The following KCNAB1 variants were observed in gnomAD, a reference collection of about 807,000 sequenced individuals.
KCNAB1 encodes potassium voltage-gated channel subfamily A regulatory beta subunit 1.
In KCNAB1, 35 loss-of-function variants were observed where a neutral mutation model predicts 64.6. That is an observed-to-expected ratio of 0.54 (90% CI 0.41 to 0.72). The LOEUF (loss-of-function observed/expected upper bound fraction) is 0.72. KCNAB1 is among the 30% of genes least tolerant of loss of function. The pLI is 0.00. For synonymous variants in KCNAB1, 177 were observed against 183.8 expected, an observed-to-expected ratio of 0.96 and a Z score of 0.30; for missense variants, 401 against 512.9, an observed-to-expected ratio of 0.78 and a Z score of 2.11.
At chr3:156,322,862 T>C (rs1722755837) in intron 1 of KCNAB1, among the ~76,000 whole-genome samples, 4 of 152,220 alleles carry the variant, frequency 2.6e-5, no homozygotes, top group African/African-American at 7.2e-5. Context: ...TCTTGCCTAA[T>C]GAGCCTCTTA....
chr3:156,188,704 T>C, intron 1 of KCNAB1, among the ~76,000 whole-genome samples: 1 of 152,220 alleles, frequency 6.6e-6, no homozygotes, highest in Non-Finnish European at 1.5e-5. Context: ...TCTTTTAAAA[T>C]ATACTTAACA....
In KCNAB1 at chr3:156,198,508, C is replaced by T. The variant is rs143327591; in HGVS notation, c.275+77622C>T. On this transcript the variant is annotated intron_variant, in intron 1 of 13. Coordinates refer to ENST00000490337, the MANE Select transcript of KCNAB1 (RefSeq NM_172160.3). Reference sequence around the variant, plus strand: ...GCATGTATATTTAGGGTAGTTAGCTCTTCTTGTTGAATTGATCCCTTTACC... The same window carrying T: ...GCATGTATATTTAGGGTAGTTAGCTTTTCTTGTTGAATTGATCCCTTTACC... 9.2e-3 allele frequency among the ~76,000 whole-genome samples: 1,397 copies of T among 151,894 alleles called. 21 individuals are homozygous for T. Among genetic ancestry groups the T allele is most frequent in the African/African-American group, 0.032 (1,326 of 41,412 alleles).
chr3:156,295,995 C>G (rs1720750637), intron 1 of KCNAB1, among the ~76,000 whole-genome samples: 1 of 152,204 alleles, frequency 6.6e-6, no homozygotes. Context: ...ATTAACCAAA[C>G]TCTTCATCAT....
At chr3:156,396,919 G>A (rs62287667) in intron 1 of KCNAB1, among the ~76,000 whole-genome samples, 10 of 152,142 alleles carry the variant, frequency 6.6e-5, no homozygotes, top group Non-Finnish European at 8.8e-5. Context: ...TAGGACAGGC[G>A]ATGTAATGAC....
At chr3:156,123,840 A>T (rs777806056) in intron 1 of KCNAB1, among the ~76,000 whole-genome samples, 1 of 152,046 alleles carries the variant, frequency 6.6e-6, no homozygotes, top group Admixed American at 6.6e-5. Context: ...TTTGAATAAA[A>T]TTTTTTTTCT....
intron 8 of KCNAB1, among the ~76,000 whole-genome samples, chr3:156,478,152 A>G (rs139985414): frequency 2.7e-4 from 41 of 152,062 alleles, no homozygotes; most frequent in African/African-American, 8.9e-4. Flanking sequence ...TAGTTGTCCA[A>G]CCTTTTTTTT....
intron 1 of KCNAB1, among the ~76,000 whole-genome samples, chr3:156,182,633 C>CCG (rs1272638016): frequency 2.0e-5 from 3 of 151,624 alleles, no homozygotes; most frequent in African/African-American, 2.4e-5. Flanking sequence ...TTTTTTTCCC[C>CCG]CCCCCGGGTC....
chr3:156,140,992 T>C (rs1377515131), intron 1 of KCNAB1, among the ~76,000 whole-genome samples: 2 of 151,202 alleles, frequency 1.3e-5, no homozygotes, highest in Admixed American at 6.6e-5. Context: ...TGTCCAGGAG[T>C]CACAGTTGGA....
At chr3:156,532,763 G>A (rs2108428055) in intron 13 of KCNAB1, among the ~76,000 whole-genome samples, 1 of 152,280 alleles carries the variant, frequency 6.6e-6, no homozygotes, top group Admixed American at 6.5e-5. Context: ...AGCTACGTGA[G>A]GAATTCTCCC....
Position 156,536,857 on chromosome 3 carries a change from C to T in KCNAB1, c.*110C>T. 1 of 741,168 alleles carries T rather than the reference C, an allele frequency of 1.3e-6. No homozygotes were observed. The allele number at this position is 741,168 out of a possible 1,614,324, so 45.9% of individuals were successfully genotyped here. On this transcript the variant is annotated 3_prime_UTR_variant, in exon 14 of 14. Coordinates refer to ENST00000490337, the MANE Select transcript of KCNAB1 (RefSeq NM_172160.3). ...ATCACTTAGCAGCTTGCTGCTCAAC[C>T]TCTAGTGTCCCTCCCTGGATTCTTT...
At chr3:156,433,453 C>T (rs903851227) in intron 2 of KCNAB1, among the ~76,000 whole-genome samples, 26 of 152,126 alleles carry the variant, frequency 1.7e-4, no homozygotes, top group Non-Finnish European at 3.4e-4. Context: ...CAAGGGCTGC[C>T]TAAGCTAGGG....
At chr3:156,178,417 T>G (rs1216109831) in intron 1 of KCNAB1, among the ~76,000 whole-genome samples, 4 of 152,188 alleles carry the variant, frequency 2.6e-5, no homozygotes, top group African/African-American at 9.6e-5. Context: ...CTTCTACCCC[T>G]AGTGGGGAAA....
At chr3:156,380,024 C>T (rs1314033813) in intron 1 of KCNAB1, among the ~76,000 whole-genome samples, 1 of 152,158 alleles carries the variant, frequency 6.6e-6, no homozygotes, top group Non-Finnish European at 1.5e-5. Context: ...CCTCTTTCTG[C>T]AAGTTCCCTT....
At chr3:156,261,644 G>A (rs1271683719) in intron 1 of KCNAB1, among the ~76,000 whole-genome samples, 1 of 151,938 alleles carries the variant, frequency 6.6e-6, no homozygotes, top group African/African-American at 2.4e-5. Context: ...GGTGACTATA[G>A]CTTTGGAGTA....
At position 156,511,260 on chromosome 3, in the gene KCNAB1, C is replaced by T. The variant is rs566021445; in HGVS notation, c.659-3104C>T. Among the ~76,000 whole-genome samples the T allele has an allele frequency of 2.2e-4, 34 of 152,092 alleles. No individual in the cohort carries two copies. The East Asian group carries it at 4.1e-3, about 18-fold the overall frequency. ...CTGGGACTACAGGCACCCGCCACCA[C>T]GCCCGGCTAATTTTCTGTATTTTTA... On this transcript the variant is annotated intron_variant, in intron 8 of 13. Transcript: ENST00000490337.
chr3:156,187,603 G>A (rs2108356031), intron 1 of KCNAB1, among the ~76,000 whole-genome samples: 1 of 152,248 alleles, frequency 6.6e-6, no homozygotes, highest in Non-Finnish European at 1.5e-5. Context: ...CCTGAACTGT[G>A]CCCTCTGTGC....
rs920807381 is a variant in KCNAB1, at chr3:156,538,372, A to C, written c.*1625A>C. 90 of 152,328 alleles carry C rather than the reference A, an allele frequency of 5.9e-4. No homozygotes were observed. Among genetic ancestry groups the C allele is most frequent in the African/African-American group, 2.1e-3 (89 of 41,566 alleles). The allele number at this position is 152,328 out of a possible 1,614,324, so 9.4% of individuals were successfully genotyped here. On this transcript the variant is annotated 3_prime_UTR_variant, in exon 14 of 14. Transcript: ENST00000490337. Reference sequence around the variant, plus strand: ...TTCTAAATCTGAAAATGCTAGTGGGAGATATCAAGAAATTTTCTTTTTGAT... The same window carrying C: ...TTCTAAATCTGAAAATGCTAGTGGGCGATATCAAGAAATTTTCTTTTTGAT...
intron 1 of KCNAB1, among the ~76,000 whole-genome samples, chr3:156,180,251 G>A (rs760946331): frequency 6.6e-6 from 1 of 152,206 alleles, no homozygotes; most frequent in Non-Finnish European, 1.5e-5. Context: ...CAGACTTGGA[G>A]AGGTGAAATA....
intron 1 of KCNAB1, among the ~76,000 whole-genome samples, chr3:156,320,063 G>A (rs370104230): frequency 6.6e-6 from 1 of 152,130 alleles, no homozygotes; most frequent in Non-Finnish European, 1.5e-5. Flanking sequence ...GTGTTTTCAG[G>A]TACATTATAT....
Sources: allele counts gnomAD v4.1 joint callset (sites outside exome capture counted in the v4.1 genomes callset), GRCh38; gene constraint gnomAD v4.1.1; transcripts MANE v1.5; gene names NCBI Gene and HGNC (gene_info 2026-07-23, HGNC 2026-07-21).